Variants in ETFBKMT observed in about 807,000 individuals in gnomAD.
ETFBKMT encodes the protein electron transfer flavoprotein subunit beta lysine methyltransferase.
ETFBKMT carries 13 observed loss-of-function variants against 18.3 expected under a neutral mutation model. That is an observed-to-expected ratio of 0.71 (90% CI 0.46 to 1.13). ETFBKMT has a LOEUF of 1.13. ETFBKMT is among the 50% of genes most tolerant of loss of function. The pLI is 0.00. For missense variants in ETFBKMT, 293 were observed against 306.2 expected, an observed-to-expected ratio of 0.96 and a Z score of 0.32; for synonymous variants, 84 against 107.9, an observed-to-expected ratio of 0.78 and a Z score of 1.37.
At chr12:31,650,626 C>CTTTTTTTT (rs543201341) in intron 1 of ETFBKMT, among the ~76,000 whole-genome samples, 3 of 140,640 alleles carry the variant, frequency 2.1e-5, no homozygotes, top group Admixed American at 7.4e-5. Flanking sequence ...AATGACCTGA[C>CTTTTTTTT]CTTTTTTTTT....
In ETFBKMT at chr12:31,670,763, T is replaced by C. The variant is rs1182404814; in HGVS notation, c.*2773T>C. The stretch of plus-strand genomic sequence containing the variant: ...TTTACTTATTCAATGAATATTTGAG[T>C]GCTTATTATATACCAGGCACTGTTC... On this transcript the variant is annotated 3_prime_UTR_variant, in exon 4 of 4. Coordinates refer to ENST00000357721, the MANE Select transcript of ETFBKMT (RefSeq NM_001135863.2). 1 of 152,138 alleles carries C rather than the reference T, an allele frequency of 6.6e-6. No individual in the cohort carries two copies. The highest frequency in any genetic ancestry group is 2.4e-5 in the African/African-American group (1 of 41,424). The allele number at this position is 152,138 out of a possible 1,614,324, so 9.4% of individuals were successfully genotyped here.
At chr12:31,663,446 G>A (rs953488310) in intron 2 of ETFBKMT, among the ~76,000 whole-genome samples, 14 of 151,950 alleles carry the variant, frequency 9.2e-5, no homozygotes, top group African/African-American at 3.1e-4. Context: ...GGCTGGTCTC[G>A]AACCCCTGAC....
chr12:31,668,032 A>T lies in ETFBKMT; in HGVS notation c.*42A>T, dbSNP rs1470070848. ...CAAGTATGAATATAGTAATGTTTGG[A>T]TCTGACTCTAAAAGTTTTCTCTATA... On this transcript the variant is annotated 3_prime_UTR_variant, in exon 4 of 4. Transcript: ENST00000357721. The T allele has an allele frequency of 1.3e-6, 2 of 1,518,516 alleles. No individual in the cohort carries two copies. The highest frequency in any genetic ancestry group is 2.3e-5 in the East Asian group (1 of 44,128). 94.1% of individuals were successfully genotyped at this position (1,518,516 alleles called of 1,614,324 possible).
chr12:31,672,509 C>A lies in ETFBKMT; in HGVS notation c.*4519C>A. The A allele has an allele frequency of 3.1e-6, 2 of 636,358 alleles. No individual in the cohort carries two copies. The highest frequency in any genetic ancestry group is 5.6e-6 in the Non-Finnish European group (2 of 359,482). The allele number at this position is 636,358 out of a possible 1,614,324, so 39.4% of individuals were successfully genotyped here. ...ATTAAAGGAGGTGATCTATAAAGCACAATATACAACTAACTCACTAATAAT... is the reference window on the plus strand; with the variant it reads ...ATTAAAGGAGGTGATCTATAAAGCAAAATATACAACTAACTCACTAATAAT... On this transcript the variant is annotated 3_prime_UTR_variant, in exon 4 of 4. Coordinates refer to ENST00000357721, the MANE Select transcript of ETFBKMT (RefSeq NM_001135863.2).
chr12:31,663,747 T>A (rs11051520), intron 2 of ETFBKMT, among the ~76,000 whole-genome samples: 57 of 152,328 alleles, frequency 3.7e-4, no homozygotes, highest in Non-Finnish European at 5.3e-4. Context: ...TGGCCTTTTA[T>A]ATGTTTTTTC....
intron 2 of ETFBKMT, among the ~76,000 whole-genome samples, chr12:31,662,879 A>T (rs1565749856): frequency 6.6e-6 from 1 of 152,016 alleles, no homozygotes; most frequent in Non-Finnish European, 1.5e-5. Flanking sequence ...AATTCAGTGA[A>T]TGTCGCTCCA....
At chr12:31,648,350 G>T (rs1237147403) in intron 1 of ETFBKMT, among the ~76,000 whole-genome samples, 1 of 144,854 alleles carries the variant, frequency 6.9e-6, no homozygotes. Context: ...TGTTGAATAT[G>T]ATGTAAATAG....
chr12:31,665,625 C>T (rs546108863), intron 2 of ETFBKMT, among the ~76,000 whole-genome samples: 13 of 152,234 alleles, frequency 8.5e-5, no homozygotes, highest in Non-Finnish European at 1.5e-4. Context: ...GGAAATCAGG[C>T]GTCTCACAGC....
chr12:31,657,124 C>A (rs1053488294), upstream of ETFBKMT, among the ~76,000 whole-genome samples: 8 of 152,066 alleles, frequency 5.3e-5, no homozygotes, highest in Non-Finnish European at 8.8e-5. Context: ...TGTTGAAAAA[C>A]CAAAAAACCC....
rs190519838 is a variant in ETFBKMT at position 31,671,977 on chromosome 12, G to A, written c.*3987G>A. 36 of 199,400 alleles carry A rather than the reference G, an allele frequency of 1.8e-4. 1 individual carries two copies. In the East Asian group the frequency reaches 4.3e-3, roughly 24 times the overall value. 12.4% of individuals were successfully genotyped at this position (199,400 alleles called of 1,614,324 possible). The stretch of plus-strand genomic sequence containing the variant: ...TAGCTCAAATACCTACATAGGAGAA[G>A]GAAATCTCAAGGGAAAACAGTTAAT... On this transcript the variant is annotated 3_prime_UTR_variant, in exon 4 of 4. Transcript: ENST00000357721.
chr12:31,664,621 T>C (rs1159640775), intron 2 of ETFBKMT, among the ~76,000 whole-genome samples: 3 of 150,672 alleles, frequency 2.0e-5, no homozygotes, highest in Admixed American at 6.6e-5. Context: ...TCTTTCTTTT[T>C]TTTTTTTTTT....
At chr12:31,652,370 C>T (rs1244873774) in intron 1 of ETFBKMT, among the ~76,000 whole-genome samples, 1 of 152,166 alleles carries the variant, frequency 6.6e-6, no homozygotes, top group Non-Finnish European at 1.5e-5. Context: ...GGTATGGTCC[C>T]TTCATCACCA....
chr12:31,666,828 T>TG (rs1013535765), intron 3 of ETFBKMT, among the ~76,000 whole-genome samples: 1 of 151,380 alleles, frequency 6.6e-6, no homozygotes, highest in African/African-American at 2.4e-5. Flanking sequence ...TTTTTTTTTT[T>TG]TTGCATTTTT....
chr12:31,653,163 C>A (rs1046905880), intron 1 of ETFBKMT, among the ~76,000 whole-genome samples: 1 of 145,046 alleles, frequency 6.9e-6, no homozygotes, highest in Admixed American at 7.1e-5. Context: ...GAGCTGAGAT[C>A]GTGCCACTGC....
At chr12:31,665,283 G>A (rs1270375595) in intron 2 of ETFBKMT, among the ~76,000 whole-genome samples, 1 of 152,122 alleles carries the variant, frequency 6.6e-6, no homozygotes, top group African/African-American at 2.4e-5. Flanking sequence ...TAATCAGTCA[G>A]TTGTGTGGTA....
chr12:31,662,683 A>G (rs941040805), intron 2 of ETFBKMT, among the ~76,000 whole-genome samples: 2 of 151,616 alleles, frequency 1.3e-5, no homozygotes, highest in African/African-American at 4.8e-5. Context: ...TTCTAACCCA[A>G]GCTTATCAAG....
chr12:31,653,215 A>AC (rs1185005412), intron 1 of ETFBKMT, among the ~76,000 whole-genome samples: 1 of 152,150 alleles, frequency 6.6e-6, no homozygotes, highest in Non-Finnish European at 1.5e-5. Context: ...TCTCAAAAAA[A>AC]AAAAAAAAAA....
At position 31,649,468 on chromosome 12, in the gene ETFBKMT, A is replaced by G. The variant is rs544986991; in HGVS notation, c.-114+2213A>G. ...CCTCACAGATATTGTGAATTTTACAAATTGAACGTTTGTGGTACCCCTGTG... is the reference window on the plus strand; with the variant it reads ...CCTCACAGATATTGTGAATTTTACAGATTGAACGTTTGTGGTACCCCTGTG... On this transcript the variant is annotated intron_variant, in intron 1 of 3. Transcript: ENST00000412352. 3.3e-5 allele frequency among the ~76,000 whole-genome samples: 5 copies of G among 152,192 alleles called. No individual in the cohort carries two copies. In the South Asian group the frequency reaches 8.3e-4, roughly 25 times the overall value.
At chr12:31,665,739 C>T (rs1951185740) in intron 2 of ETFBKMT, among the ~76,000 whole-genome samples, 1 of 150,590 alleles carries the variant, frequency 6.6e-6, no homozygotes, top group South Asian at 2.1e-4. Flanking sequence ...TAAAAGTATC[C>T]CTTATGGGAA....
Sources: allele counts gnomAD v4.1 joint callset (sites outside exome capture counted in the v4.1 genomes callset), GRCh38; gene constraint gnomAD v4.1.1; transcripts MANE v1.5; gene names NCBI Gene and HGNC (gene_info 2026-07-23, HGNC 2026-07-21).